The following ZNF160 variants were observed in gnomAD, a reference collection of about 807,000 sequenced individuals.
ZNF160 encodes the protein KRAB zinc finger protein KR18.
In ZNF160, 9 loss-of-function variants were observed where a neutral mutation model predicts 13.1. The ratio of observed to expected loss-of-function variants is 0.69; its 90% CI spans 0.41 to 1.20. The LOEUF (loss-of-function observed/expected upper bound fraction) is 1.20, where lower values mean the gene tolerates loss of function less well. ZNF160 is among the 50% of genes most tolerant of loss of function. ZNF160 has a pLI of 0.01. For synonymous variants in ZNF160, 293 were observed against 333.2 expected (o/e 0.88, Z 1.31); for missense variants, 838 against 988.0 (o/e 0.85, Z 2.04).
At chr19:53,080,861 A>AT (rs2084604654) in intron 3 of ZNF160, among the ~76,000 whole-genome samples, 1 of 152,214 alleles carries the variant, frequency 6.6e-6, no homozygotes, top group South Asian at 2.1e-4. Flanking sequence ...TGGTACTGGT[A>AT]TAAAAACAGA....
intron 2 of ZNF160, among the ~76,000 whole-genome samples, chr19:53,089,873 C>G (rs971898369): frequency 1.3e-5 from 2 of 151,652 alleles, no homozygotes; most frequent in Admixed American, 1.3e-4. Context: ...AGCCCCTCTC[C>G]TCTCCTGCTC....
Position 53,068,260 on chromosome 19 carries a change from C to T in ZNF160, c.2274G>A (p.Glu758=), listed in dbSNP as rs761557188. ...LANHRRIHTG[E]KPYRCTECGK... is the part of the protein sequence containing the mutation. ...CACACTCTGTACACCTGTAAGGTTTCTCCCCAGTATGAATTCTTCGGTGAT... is the reference window on the plus strand; with the variant it reads ...CACACTCTGTACACCTGTAAGGTTTTTCCCCAGTATGAATTCTTCGGTGAT... Residue 758 remains glutamate (E), a synonymous_variant, in exon 6 of 6, where the codon GAG becomes GAA. Coordinates refer to ENST00000683776, the MANE Select transcript of ZNF160 (RefSeq NM_001322131.2). The T allele has an allele frequency of 3.1e-6, 5 of 1,614,080 alleles. No individual in the cohort carries two copies. Among genetic ancestry groups the T allele is most frequent in the Non-Finnish European group, 4.2e-6 (5 of 1,179,962 alleles).
Position 53,068,622 on chromosome 19 carries a change from T to C in ZNF160, c.1912A>G (p.Thr638Ala), listed in dbSNP as rs2084046289. ...KVFRHNSYLATHRRIHTGEKP... is the reference protein window; with the variant it reads ...KVFRHNSYLAAHRRIHTGEKP... ...TCTCCAGTATGAATTCGCCGATGAG[T>C]TGCAAGGTATGAATTGTGCCTAAAA... The change falls in exon 6 of 6, where the codon ACT (threonine) becomes GCT (alanine). Residue 638 changes from threonine to alanine, a missense_variant. Coordinates refer to ENST00000683776, the MANE Select transcript of ZNF160 (RefSeq NM_001322131.2). 2 of 1,613,760 alleles carry C rather than the reference T, an allele frequency of 1.2e-6. No homozygotes were observed. The highest frequency in any genetic ancestry group is 1.7e-6 in the Non-Finnish European group (2 of 1,179,982).
Position 53,092,228 on chromosome 19 carries a change from T to C in ZNF160, c.-353-508A>G, listed in dbSNP as rs926450487. 2.2e-4 allele frequency among the ~76,000 whole-genome samples: 33 copies of C among 152,224 alleles called. 1 individual carries two copies. The highest frequency in any genetic ancestry group is 4.6e-4 in the Admixed American group (7 of 15,274). On this transcript the variant is annotated intron_variant, in intron 1 of 5. Coordinates refer to ENST00000683776, the MANE Select transcript of ZNF160 (RefSeq NM_001322131.2). ...TAATCTGTTGTAGAAAAAAAGCCTG[T>C]AAAATCATCTTCAGAAAACATTTAC... is the stretch of plus-strand genomic sequence containing the variant.
intron 1 of ZNF160, among the ~76,000 whole-genome samples, chr19:53,093,425 CAGG>C (rs1000335239): frequency 3.4e-5 from 5 of 146,020 alleles, no homozygotes; most frequent in African/African-American, 1.3e-4. Context: ...GGCAACAGAG[CAGG>C]ACTCCATCTA....
intron 1 of ZNF160, among the ~76,000 whole-genome samples, chr19:53,096,649 G>A (rs11669168): frequency 2.3e-5 from 3 of 131,356 alleles, no homozygotes; most frequent in Admixed American, 7.5e-5. Context: ...TGGGTCTTGC[G>A]TGGGGCAAAC....
intron 1 of ZNF160, among the ~76,000 whole-genome samples, chr19:53,094,684 G>A (rs553650808): frequency 1.3e-5 from 2 of 152,200 alleles, no homozygotes; most frequent in African/African-American, 4.8e-5. Context: ...TGTTTGAAAT[G>A]TTGGATTAAC....
rs762502538 is a variant in ZNF160 at position 53,068,398 on chromosome 19, T to C, written c.2136A>G (p.Lys712=). 6.2e-7 allele frequency: 1 copy of C among 1,614,002 alleles called. No individual in the cohort carries two copies. Among genetic ancestry groups the C allele is most frequent in the South Asian group, 1.1e-5 (1 of 91,066 alleles). Residue 712 remains lysine (K), a synonymous_variant, in exon 6 of 6, where the codon AAA becomes AAG. Coordinates refer to ENST00000683776, the MANE Select transcript of ZNF160 (RefSeq NM_001322131.2). Reference sequence around the variant, plus strand: ...TTAGGCTTGAACGAACACTGAAGGCTTTCCCACACTCATTGCATCGGTAAG... The same window carrying C: ...TTAGGCTTGAACGAACACTGAAGGCCTTCCCACACTCATTGCATCGGTAAG... ...EKPYRCNECG[K]AFSVRSSLTT... is the part of the protein sequence containing the mutation.
intron 1 of ZNF160, among the ~76,000 whole-genome samples, chr19:53,100,406 C>T (rs561859918): frequency 1.1e-4 from 16 of 151,266 alleles, no homozygotes; most frequent in East Asian, 3.9e-4. Flanking sequence ...GTCAGGAGAT[C>T]GAGACCATCC....
At position 53,095,082 on chromosome 19, in the gene ZNF160, G is replaced by GTCCCACCC. The variant is rs1600910733; in HGVS notation, c.-353-3370_-353-3363dup. ...CTGCCCAGGCCCCGCCCCCACGGTAGTCCCACCCTCCCACCCCACCCTCTT... is the reference window on the plus strand; with the variant it reads ...CTGCCCAGGCCCCGCCCCCACGGTAGTCCCACCCTCCCACCCTCCCACCCCACCCTCTT... On this transcript the variant is annotated intron_variant, in intron 1 of 5. Transcript: ENST00000683776. 7.7e-5 allele frequency among the ~76,000 whole-genome samples: 4 copies of GTCCCACCC among 51,964 alleles called. No homozygotes were observed. The East Asian group carries it at 2.1e-3, about 27-fold the overall frequency. The allele number at this position is 51,964 out of a possible 152,430, so 34.1% of individuals were successfully genotyped here. A position where few individuals can be genotyped will look rare whatever the true frequency, so the allele number is the denominator to read the frequency against.
At chr19:53,087,667 CAG>C (rs1208507157) in intron 2 of ZNF160, among the ~76,000 whole-genome samples, 120 of 152,324 alleles carry the variant, frequency 7.9e-4, no homozygotes, top group African/African-American at 2.8e-3. Flanking sequence ...TCTCCTGCCT[CAG>C]CCTCCTGAGT....
intron 5 of ZNF160, chr19:53,073,163 A>G (rs1441342944): frequency 7.1e-7 from 1 of 1,400,082 alleles, no homozygotes; most frequent in African/African-American, 1.5e-5. Context: ...CCCACATTCT[A>G]CTCTTTGCTG....
chr19:53,080,501 G>C (rs1006300867), intron 3 of ZNF160, among the ~76,000 whole-genome samples: 3 of 152,142 alleles, frequency 2.0e-5, no homozygotes, highest in Non-Finnish European at 4.4e-5. Flanking sequence ...AAAATGACTA[G>C]GAGTATGTCT....
intron 3 of ZNF160, among the ~76,000 whole-genome samples, chr19:53,082,892 AGACT>A (rs72089355): frequency 0.88 from 132,912 of 151,822 alleles, 58,277 homozygotes; most frequent in Middle Eastern, 0.93. Flanking sequence ...TGCTTTTGAC[AGACT>A]GACTATTAAT....
intron 2 of ZNF160, among the ~76,000 whole-genome samples, chr19:53,087,256 G>A (rs575926460): frequency 6.6e-6 from 1 of 152,320 alleles, no homozygotes; most frequent in African/African-American, 2.4e-5. Context: ...AGGAGATGGC[G>A]TCTGAGAGGT....
At chr19:53,083,181 TG>T (rs1177764175) in intron 3 of ZNF160, among the ~76,000 whole-genome samples, 1 of 152,160 alleles carries the variant, frequency 6.6e-6, no homozygotes, top group African/African-American at 2.4e-5. Context: ...GAAGTAGGCA[TG>T]ATTAAACCAT....
Position 53,068,124 on chromosome 19 carries a change from G to C in ZNF160, c.2410C>G (p.Leu804Val). 2 of 1,613,540 alleles carry C rather than the reference G, an allele frequency of 1.2e-6. No homozygotes were observed. The highest frequency in any genetic ancestry group is 1.1e-5 in the South Asian group (1 of 90,994). The change falls in exon 6 of 6, where the codon CTT (leucine) becomes GTT (valine). Residue 804 changes from leucine (L) to valine (V), a missense_variant. Transcript: ENST00000683776. ...CGKVFRQSSN[L>V]ASHHRMHTGE... ...GTATGCATTCTGTGATGACTTGCAA[G>C]ATTTGAACTCTGCCTGAAGACCTTG...
In ZNF160 at chr19:53,069,499, C is replaced by T. The variant is rs764647922; in HGVS notation, c.1035G>A (p.Glu345=). ...AATGTCCTCTAAAGGCTTTTCCACA[C>T]TCATTACACTTGTAAGGTTTCTCTC... ...HTGEKPYKCN[E]CGKAFRGHSN... is the part of the protein sequence containing the mutation. Residue 345 remains glutamate (E), a synonymous_variant, in exon 6 of 6, where the codon GAG becomes GAA. Coordinates refer to ENST00000683776, the MANE Select transcript of ZNF160 (RefSeq NM_001322131.2). The surrounding 1 kb of genome is among the most constrained non-coding windows in gnomAD (Gnocchi z 4.4). The T allele has an allele frequency of 6.8e-5, 109 of 1,613,816 alleles. No homozygotes were observed. The highest frequency in any genetic ancestry group is 2.3e-4 in the South Asian group (21 of 91,066).
chr19:53,070,885 T>C (rs1220017665), intron 5 of ZNF160, among the ~76,000 whole-genome samples: 1 of 151,894 alleles, frequency 6.6e-6, no homozygotes. Context: ...CAAGACTCCA[T>C]CTCTACAAAA....
Sources: allele counts gnomAD v4.1 joint callset (sites outside exome capture counted in the v4.1 genomes callset), GRCh38; gene constraint gnomAD v4.1.1; non-coding constraint Gnocchi (gnomAD v3.1); transcripts MANE v1.5; gene names NCBI Gene and HGNC (gene_info 2026-07-23, HGNC 2026-07-21).